TBC1D5: variants seen among roughly 807,000 people sequenced by gnomAD.
TBC1D5 encodes the protein TBC1 domain family, member 5.
In TBC1D5, 75 loss-of-function variants were observed where a neutral mutation model predicts 100.3. The observed-to-expected ratio is 0.75, with a 90% confidence interval of 0.62 to 0.91. The LOEUF is 0.91. Among genes scored for constraint, TBC1D5 ranks in the 40% least tolerant of loss-of-function variants. The pLI is 0.00. For missense variants in TBC1D5, 910 were observed against 942.4 expected, an observed-to-expected ratio of 0.97 and a Z score of 0.45; for synonymous variants, 323 against 325.6, an observed-to-expected ratio of 0.99 and a Z score of 0.09.
intron 13 of TBC1D5, among the ~76,000 whole-genome samples, chr3:17,347,902 C>T (rs1000343283): frequency 6.6e-6 from 1 of 152,100 alleles, no homozygotes; most frequent in Non-Finnish European, 1.5e-5. Flanking sequence ...ACTTGGGAAG[C>T]TGACGTGGGA....
intron 3 of TBC1D5, among the ~76,000 whole-genome samples, chr3:17,468,227 A>G (rs186007046): frequency 3.1e-4 from 47 of 152,342 alleles, no homozygotes; most frequent in African/African-American, 1.0e-3. Context: ...TAAAATGATT[A>G]CATTAACTTA....
intron 3 of TBC1D5, among the ~76,000 whole-genome samples, chr3:17,491,692 G>A (rs913599873): frequency 3.3e-5 from 5 of 151,962 alleles, no homozygotes; most frequent in East Asian, 1.9e-4. Context: ...TTGAAGTGCC[G>A]GTGGTTTGCC....
At chr3:17,736,330 CAT>C (rs2076962226) in intron 1 of TBC1D5, among the ~76,000 whole-genome samples, 1 of 152,138 alleles carries the variant, frequency 6.6e-6, no homozygotes, top group South Asian at 2.1e-4. Flanking sequence ...TGCACACACA[CAT>C]GCCACAGGAT....
chr3:17,208,595 G>T (rs1486224829), intron 18 of TBC1D5, among the ~76,000 whole-genome samples: 2 of 152,202 alleles, frequency 1.3e-5, no homozygotes, highest in African/African-American at 2.4e-5. Context: ...CTTCCCCAAA[G>T]TTAGCAAATA....
Position 17,225,866 on chromosome 3 carries a change from G to A in TBC1D5, c.1589-11496C>T, listed in dbSNP as rs531368638. ...CTCAACAACAACAACAACAAACCCA[G>A]TATAACATAGCATTTACATCGTATT... On this transcript the variant is annotated intron_variant, in intron 17 of 21. Transcript: ENST00000253692. Among the ~76,000 whole-genome samples, 4 of 152,114 alleles carry A rather than the reference G, an allele frequency of 2.6e-5. No individual in the cohort carries two copies. The East Asian group carries it at 5.8e-4, about 22-fold the overall frequency.
chr3:17,272,297 A>G (rs2079514403), intron 15 of TBC1D5, among the ~76,000 whole-genome samples: 1 of 152,162 alleles, frequency 6.6e-6, no homozygotes. Context: ...CAAATGATAC[A>G]CTGTACTATT....
rs376723873 is a variant in TBC1D5 at position 17,185,228 on chromosome 3, A to G, written c.1753-20T>C. On this transcript the variant is annotated intron_variant, in intron 18 of 21. Transcript: ENST00000253692. ...TTCTTCCTAAAATAAAGGGATAAAC[A>G]TATGGAAATTTTTTAGAGATTGTCA... 25 of 1,599,574 alleles carry G rather than the reference A, an allele frequency of 1.6e-5. No individual in the cohort carries two copies. The highest frequency in any genetic ancestry group is 1.8e-5 in the Non-Finnish European group (21 of 1,169,404).
At chr3:17,376,882 T>G (rs1023640333) in intron 9 of TBC1D5, among the ~76,000 whole-genome samples, 1 of 152,154 alleles carries the variant, frequency 6.6e-6, no homozygotes, top group African/African-American at 2.4e-5. Flanking sequence ...ATTGGCATGG[T>G]AGATAACCTT....
chr3:17,727,930 CAA>C (rs1321024005), intron 1 of TBC1D5, among the ~76,000 whole-genome samples: 1 of 152,038 alleles, frequency 6.6e-6, no homozygotes, highest in African/African-American at 2.4e-5. Context: ...CACTATATTA[CAA>C]AGTAATATAC....
At chr3:17,315,879 C>T (rs2084639141) in intron 13 of TBC1D5, among the ~76,000 whole-genome samples, 1 of 152,098 alleles carries the variant, frequency 6.6e-6, no homozygotes, top group African/African-American at 2.4e-5. Flanking sequence ...AGGTATGCCC[C>T]ACTGAAGGCT....
chr3:17,686,950 C>T (rs2070374103), intron 1 of TBC1D5, among the ~76,000 whole-genome samples: 1 of 152,016 alleles, frequency 6.6e-6, no homozygotes, highest in Admixed American at 6.6e-5. Context: ...ATTAAAGTAA[C>T]ATGTATGGTT....
chr3:17,643,038 C>T (rs1405913764), intron 1 of TBC1D5, among the ~76,000 whole-genome samples: 2 of 151,980 alleles, frequency 1.3e-5, no homozygotes, highest in African/African-American at 2.4e-5. Context: ...TCAGTTACGC[C>T]ACTAATGACT....
Position 17,600,504 on chromosome 3 carries a change from CA to C in TBC1D5, c.-36+23344del, listed in dbSNP as rs571646449. Among the ~76,000 whole-genome samples, 5 of 151,970 alleles carry C rather than the reference CA, an allele frequency of 3.3e-5. No homozygotes were observed. The East Asian group carries it at 9.6e-4, about 29-fold the overall frequency. On this transcript the variant is annotated intron_variant, in intron 2 of 21. Transcript: ENST00000253692. ...ACACCTTTAAAATATTTAAAGATTCCATGCAAGATTATTACTATGGTCTCAT... is the reference window on the plus strand; with the variant it reads ...ACACCTTTAAAATATTTAAAGATTCCTGCAAGATTATTACTATGGTCTCAT...
intron 13 of TBC1D5, among the ~76,000 whole-genome samples, chr3:17,360,077 A>G (rs191023819): frequency 3.0e-4 from 45 of 152,182 alleles, no homozygotes; most frequent in Admixed American, 4.6e-4. Flanking sequence ...TATTCTGCCA[A>G]CAGACTGGAA....
intron 5 of TBC1D5, among the ~76,000 whole-genome samples, chr3:17,406,056 G>A (rs1051857050): frequency 6.6e-6 from 1 of 151,928 alleles, no homozygotes; most frequent in African/African-American, 2.4e-5. Flanking sequence ...ACTAAATGAT[G>A]GTTTGATATA....
chr3:17,251,646 A>G (rs1470795920), intron 16 of TBC1D5, among the ~76,000 whole-genome samples: 1 of 152,180 alleles, frequency 6.6e-6, no homozygotes, highest in East Asian at 1.9e-4. Flanking sequence ...CTGCTTCACC[A>G]TGGATTGCTA....
intron 15 of TBC1D5, among the ~76,000 whole-genome samples, chr3:17,278,400 T>C (rs150985054): frequency 8.1e-4 from 123 of 152,378 alleles, no homozygotes; most frequent in Non-Finnish European, 1.4e-3. Flanking sequence ...GTATATTTAT[T>C]TATTTACAAA....
chr3:17,379,914 C>T (rs992664065), intron 9 of TBC1D5, among the ~76,000 whole-genome samples: 1 of 151,890 alleles, frequency 6.6e-6, no homozygotes, highest in Non-Finnish European at 1.5e-5. Context: ...TTGTACCATA[C>T]TCAACTGTTT....
chr3:17,215,673 G>C (rs2126019396), intron 17 of TBC1D5, among the ~76,000 whole-genome samples: 1 of 152,224 alleles, frequency 6.6e-6, no homozygotes, highest in Non-Finnish European at 1.5e-5. Flanking sequence ...AAGGGATAGA[G>C]AGAAAAAGGA....
Sources: allele counts gnomAD v4.1 joint callset (sites outside exome capture counted in the v4.1 genomes callset), GRCh38; gene constraint gnomAD v4.1.1; transcripts MANE v1.5; gene names NCBI Gene and HGNC (gene_info 2026-07-23, HGNC 2026-07-21).